Variants in ANK3 observed in about 807,000 individuals in gnomAD.
The protein encoded by ANK3 is ankyrin-3.
A neutral mutation model predicts 370.9 loss-of-function variants in ANK3; 57 were observed. The ratio of observed to expected loss-of-function variants is 0.15; its 90% CI spans 0.12 to 0.19. ANK3 has a LOEUF of 0.19. Ranked by LOEUF, ANK3 falls within the 10% of genes least tolerant of loss-of-function variation. The pLI is 1.00. For synonymous variants in ANK3, 1,929 were observed against 1,946.3 expected, an observed-to-expected ratio of 0.99 and a Z score of 0.23; for missense variants, 4,439 against 5,302.1, an observed-to-expected ratio of 0.84 and a Z score of 5.06.
At chr10:60,037,516 G>A (rs2075284510) in intron 43 of ANK3, among the ~76,000 whole-genome samples, 1 of 151,962 alleles carries the variant, frequency 6.6e-6, no homozygotes, top group Non-Finnish European at 1.5e-5. Context: ...TCATCATTTA[G>A]CTTCCACTAA....
chr10:60,558,372 G>A (rs1329126261), intron 2 of ANK3, among the ~76,000 whole-genome samples: 1 of 152,116 alleles, frequency 6.6e-6, no homozygotes, highest in African/African-American at 2.4e-5. Context: ...AGGTATTCAT[G>A]GCAGAAAACA....
At chr10:60,468,318 T>C (rs2133071224) in intron 2 of ANK3, among the ~76,000 whole-genome samples, 1 of 152,268 alleles carries the variant, frequency 6.6e-6, no homozygotes, top group Non-Finnish European at 1.5e-5. Flanking sequence ...TTTAGCACCA[T>C]ACATGCTTGA....
intron 2 of ANK3, among the ~76,000 whole-genome samples, chr10:60,514,118 T>G (rs1341476395): frequency 6.6e-6 from 1 of 152,174 alleles, no homozygotes; most frequent in Non-Finnish European, 1.5e-5. Context: ...GCTTCCTTTA[T>G]TATAAGAACA....
At chr10:60,557,537 G>A (rs1272260412) in intron 2 of ANK3, among the ~76,000 whole-genome samples, 2 of 152,060 alleles carry the variant, frequency 1.3e-5, no homozygotes, top group African/African-American at 4.8e-5. Context: ...GGGTGTGAAA[G>A]TTCTAGAACC....
intron 2 of ANK3, among the ~76,000 whole-genome samples, chr10:60,523,768 G>A (rs2076406014): frequency 6.6e-6 from 1 of 151,930 alleles, no homozygotes; most frequent in Admixed American, 6.6e-5. Flanking sequence ...GTAATGGGAT[G>A]GCTGGGTCAA....
chr10:60,450,518 G>A (rs777545197), intron 2 of ANK3, among the ~76,000 whole-genome samples: 3 of 152,088 alleles, frequency 2.0e-5, no homozygotes, highest in Non-Finnish European at 4.4e-5. Flanking sequence ...AAAGAAGTGG[G>A]TTAGCAGCCC....
intron 8 of ANK3, among the ~76,000 whole-genome samples, chr10:60,230,343 G>A (rs555240476): frequency 6.6e-6 from 1 of 152,290 alleles, no homozygotes; most frequent in East Asian, 1.9e-4. Flanking sequence ...ATAAAGAAAC[G>A]AAGCCATTGT....
rs1222110370 is a variant in ANK3, at chr10:60,079,205, A to ACACT, written c.4432+1331_4432+1332insAGTG. On this transcript the variant is annotated intron_variant, in intron 36 of 43. Transcript: ENST00000280772. Reference sequence around the variant, plus strand: ...CACACACACACACACACACACACACACACACACACACACACACACACCCCT... The same window carrying ACACT: ...CACACACACACACACACACACACACACACTCACACACACACACACACACACCCCT... Among the ~76,000 whole-genome samples, 22 of 151,168 alleles carry ACACT rather than the reference A, an allele frequency of 1.5e-4. 1 individual carries two copies. In the East Asian group the frequency reaches 3.7e-3, roughly 25 times the overall value.
Position 60,547,343 on chromosome 10 carries a change from G to A in ANK3, c.96+67843C>T, listed in dbSNP as rs1024692495. The stretch of plus-strand genomic sequence containing the variant: ...CCTGACCTCATGATCCACTCGCTTC[G>A]GCCTCCCAAAGTGCTGGGATTACAG... On this transcript the variant is annotated intron_variant, in intron 2 of 43. Coordinates refer to the ANK3 transcript ENST00000373827. Among the ~76,000 whole-genome samples, 4 of 151,880 alleles carry A rather than the reference G, an allele frequency of 2.6e-5. No homozygotes were observed. The East Asian group carries it at 5.8e-4, about 22-fold the overall frequency.
At chr10:60,320,056 G>T (rs140244679) in intron 1 of ANK3, among the ~76,000 whole-genome samples, 43 of 152,234 alleles carry the variant, frequency 2.8e-4, no homozygotes, top group African/African-American at 9.6e-4. Flanking sequence ...CTTAAAACTT[G>T]TTTCTCCTCA....
chr10:60,584,584 T>TCCA (rs1042088317), intron 2 of ANK3, among the ~76,000 whole-genome samples: 19 of 152,062 alleles, frequency 1.2e-4, no homozygotes, highest in Non-Finnish European at 2.4e-4. Context: ...ACCACCATAC[T>TCCA]CCAACCTGGG....
rs553610176 is a variant in ANK3, at chr10:60,133,567, T to C, written c.2841+704A>G. 3.9e-5 allele frequency among the ~76,000 whole-genome samples: 6 copies of C among 152,326 alleles called. No homozygotes were observed. The South Asian group carries it at 1.2e-3, about 32-fold the overall frequency. On this transcript the variant is annotated intron_variant, in intron 25 of 43. Transcript: ENST00000280772. ...AGGGAACAAAAAATGACCAGTCTCATCTTTACTTACTAAAAACAATTCTAA... is the reference window on the plus strand; with the variant it reads ...AGGGAACAAAAAATGACCAGTCTCACCTTTACTTACTAAAAACAATTCTAA...
intron 1 of ANK3, among the ~76,000 whole-genome samples, chr10:60,642,324 C>T (rs1235027436): frequency 0.011 from 1,632 of 151,542 alleles, 16 homozygotes; most frequent in African/African-American, 0.037. Flanking sequence ...TATAAAGACA[C>T]ATGCACACGT....
At chr10:60,138,878 A>G in intron 24 of ANK3, 86 bp downstream of exon 24, 1 of 1,553,936 alleles carries the variant, frequency 6.4e-7, no homozygotes, top group South Asian at 1.2e-5. Context: ...ACATTTTGGG[A>G]TAATGTGAAA....
intron 28 of ANK3, among the ~76,000 whole-genome samples, chr10:60,090,089 G>C (rs192310568): frequency 3.9e-5 from 6 of 152,054 alleles, no homozygotes; most frequent in Non-Finnish European, 1.5e-5. Flanking sequence ...TTGGGAGGCC[G>C]AGGCAGATTA....
chr10:60,613,654 T>G (rs1428323551), intron 2 of ANK3, among the ~76,000 whole-genome samples: 3 of 152,132 alleles, frequency 2.0e-5, no homozygotes, highest in African/African-American at 7.2e-5. Flanking sequence ...AGTATCATGA[T>G]GAGCCTACTG....
chr10:60,724,494 C>T lies in ANK3; in HGVS notation c.57+8769G>A, dbSNP rs189805947. Among the ~76,000 whole-genome samples the T allele has an allele frequency of 2.2e-3, 332 of 152,138 alleles. 1 individual carries two copies. Among genetic ancestry groups the T allele is most frequent in the Middle Eastern group, 3.4e-3 (1 of 294 alleles). On this transcript the variant is annotated intron_variant, in intron 1 of 43. Transcript: ENST00000373827. ...ACACATAGCAAACTATTTTTAGATA[C>T]AATAGGATACTGAGCACCTTCTAAA...
At chr10:60,440,420 G>T (rs1285749485) in intron 2 of ANK3, among the ~76,000 whole-genome samples, 1 of 152,130 alleles carries the variant, frequency 6.6e-6, no homozygotes, top group Non-Finnish European at 1.5e-5. Context: ...AAGGCAGCAG[G>T]ACAGAGAAGA....
At chr10:60,398,225 T>C (rs2063282715) in intron 2 of ANK3, among the ~76,000 whole-genome samples, 1 of 152,244 alleles carries the variant, frequency 6.6e-6, no homozygotes, top group African/African-American at 2.4e-5. Context: ...TACTCCTTGT[T>C]AATTTCTTTC....
Sources: allele counts gnomAD v4.1 joint callset (sites outside exome capture counted in the v4.1 genomes callset), GRCh38; gene constraint gnomAD v4.1.1; transcripts MANE v1.5; gene names NCBI Gene and HGNC (gene_info 2026-07-23, HGNC 2026-07-21).